The following NKAIN3 variants were observed in gnomAD, a reference collection of about 807,000 sequenced individuals.
NKAIN3 encodes the protein sodium/potassium transporting ATPase interacting 3.
Under a neutral mutation model 30.2 loss-of-function variants are expected in NKAIN3, and 25 were observed. The ratio of observed to expected loss-of-function variants is 0.83; its 90% CI spans 0.60 to 1.16. NKAIN3 has a LOEUF of 1.16. Among genes scored for constraint, NKAIN3 ranks in the 50% most tolerant of loss-of-function variants. The pLI is 0.00. For synonymous variants in NKAIN3, 91 were observed against 89.6 expected, an observed-to-expected ratio of 1.02 and a Z score of -0.09; for missense variants, 225 against 254.1, an observed-to-expected ratio of 0.89 and a Z score of 0.78.
intron 4 of NKAIN3, among the ~76,000 whole-genome samples, chr8:62,770,258 A>G (rs1184816205): frequency 1.3e-5 from 2 of 152,206 alleles, no homozygotes; most frequent in Non-Finnish European, 2.9e-5. Context: ...GGGATAATCT[A>G]CAAATTGCCT....
chr8:62,548,739 A>C (rs1809095656), intron 1 of NKAIN3, among the ~76,000 whole-genome samples: 1 of 151,318 alleles, frequency 6.6e-6, no homozygotes, highest in Admixed American at 6.6e-5. Context: ...TTACAATTAT[A>C]TGTATGTATG....
rs369102443 is a variant in NKAIN3 at position 62,776,365 on chromosome 8, CCTTCCTAT to C, written c.471+29241_471+29248del. ...TTTTTGTGACCTTCTCTTTCTTCTTCCTTCCTATCTTCTGTTTAGTGAAGGTGATTTTC... is the reference window on the plus strand; with the variant it reads ...TTTTTGTGACCTTCTCTTTCTTCTTCCTTCTGTTTAGTGAAGGTGATTTTC... On this transcript the variant is annotated intron_variant, in intron 4 of 6. Coordinates refer to ENST00000623646, the MANE Select transcript of NKAIN3 (RefSeq NM_001304533.3). 4.6e-3 allele frequency among the ~76,000 whole-genome samples: 698 copies of C among 152,046 alleles called. 6 individuals are homozygous for C. The highest frequency in any genetic ancestry group is 0.016 in the African/African-American group (672 of 41,496).
At position 62,927,651 on chromosome 8, in the gene NKAIN3, G is replaced by A. The variant is rs970620047; in HGVS notation, c.532+9138G>A. On this transcript the variant is annotated intron_variant, in intron 5 of 6. Transcript: ENST00000623646. The stretch of plus-strand genomic sequence containing the variant: ...TTAAAGGTACTTTAAATATTCTTAC[G>A]CAGATTAAGCAGATTTCTGATGCAG... Among the ~76,000 whole-genome samples the A allele has an allele frequency of 3.9e-5, 6 of 152,052 alleles. No individual in the cohort carries two copies. The South Asian group carries it at 1.2e-3, about 32-fold the overall frequency.
At chr8:62,538,480 G>A (rs1298218604) in intron 1 of NKAIN3, among the ~76,000 whole-genome samples, 1 of 152,096 alleles carries the variant, frequency 6.6e-6, no homozygotes. Context: ...CAGCCATAAA[G>A]TAGCTTTATA....
intron 4 of NKAIN3, among the ~76,000 whole-genome samples, chr8:62,897,224 G>A (rs1821455087): frequency 6.6e-6 from 1 of 152,054 alleles, no homozygotes; most frequent in Non-Finnish European, 1.5e-5. Flanking sequence ...AATACAATCA[G>A]GTGTGTCTGC....
chr8:62,433,477 AGATATGG>A, intron 1 of NKAIN3, among the ~76,000 whole-genome samples: 1 of 152,320 alleles, frequency 6.6e-6, no homozygotes, highest in South Asian at 2.1e-4. Context: ...TTATTATGCC[AGATATGG>A]GATCTGGGTA....
At position 62,877,343 on chromosome 8, in the gene NKAIN3, C is replaced by T. The variant is rs1234178566; in HGVS notation, c.472-41110C>T. Among the ~76,000 whole-genome samples, 12 of 152,346 alleles carry T rather than the reference C, an allele frequency of 7.9e-5. No individual in the cohort carries two copies. In the East Asian group the frequency reaches 9.6e-4, roughly 12 times the overall value. On this transcript the variant is annotated intron_variant, in intron 4 of 6. Transcript: ENST00000623646. ...CAAAGCTAGGGGCAGCCCAATTAGG[C>T]GGCCTCGGAATGGAGGCACTTAAGG... is the stretch of plus-strand genomic sequence containing the variant.
rs1464107070 is a variant in NKAIN3, at chr8:62,971,796, A to C, written c.*6389A>C. Among the ~76,000 whole-genome samples the C allele has an allele frequency of 6.6e-6, 1 of 152,206 alleles. No homozygotes were observed. Among genetic ancestry groups the C allele is most frequent in the Non-Finnish European group, 1.5e-5 (1 of 68,044 alleles). On this transcript the variant is annotated 3_prime_UTR_variant, in exon 7 of 7. Transcript: ENST00000623646. ...AACACATTCTAGAAAAAATGTACAT[A>C]TATTCTTCAGTACTGTGAGAGATTT...
intron 1 of NKAIN3, among the ~76,000 whole-genome samples, chr8:62,446,739 C>T (rs1805497388): frequency 6.6e-6 from 1 of 151,844 alleles, no homozygotes; most frequent in African/African-American, 2.4e-5. Flanking sequence ...TTGTGCCTGG[C>T]ATATTTTATT....
At chr8:62,765,850 G>A (rs1816820500) in intron 4 of NKAIN3, among the ~76,000 whole-genome samples, 1 of 151,758 alleles carries the variant, frequency 6.6e-6, no homozygotes, top group Non-Finnish European at 1.5e-5. Flanking sequence ...TTCCACTTCA[G>A]TACAAGACTT....
At chr8:62,587,535 C>A (rs1256928171) in intron 2 of NKAIN3, among the ~76,000 whole-genome samples, 3 of 151,900 alleles carry the variant, frequency 2.0e-5, no homozygotes, top group African/African-American at 7.2e-5. Flanking sequence ...GGTTATCTTG[C>A]CATGAATCTA....
chr8:62,747,211 T>C, intron 4 of NKAIN3, 82 bp downstream of exon 4: 1 of 834,208 alleles, frequency 1.2e-6, no homozygotes, highest in Non-Finnish European at 1.9e-6. Flanking sequence ...TGATAGAAAA[T>C]GCCACAGATA....
At chr8:62,878,040 CA>C (rs34421488) in intron 4 of NKAIN3, among the ~76,000 whole-genome samples, 1,729 of 113,682 alleles carry the variant, frequency 0.015, 21 homozygotes, top group Non-Finnish European at 0.022. Context: ...AACTCCATCT[CA>C]AAAAAAAAAA....
intron 3 of NKAIN3, among the ~76,000 whole-genome samples, chr8:62,703,559 C>A (rs958676493): frequency 1.3e-5 from 2 of 152,196 alleles, no homozygotes; most frequent in Non-Finnish European, 2.9e-5. Context: ...AGAACTCCCT[C>A]CTAAAATCTT....
At chr8:62,594,063 A>G (rs1352359730) in intron 3 of NKAIN3, among the ~76,000 whole-genome samples, 1 of 151,956 alleles carries the variant, frequency 6.6e-6, no homozygotes, top group Non-Finnish European at 1.5e-5. Flanking sequence ...GGCTAGCCAG[A>G]TGCCTGGAAT....
At chr8:62,788,779 T>A (rs910874643) in intron 4 of NKAIN3, among the ~76,000 whole-genome samples, 1 of 151,836 alleles carries the variant, frequency 6.6e-6, no homozygotes, top group Non-Finnish European at 1.5e-5. Flanking sequence ...CAGCACCATT[T>A]ATTAAATAGG....
At chr8:62,277,551 T>G (rs1386513382) in intron 1 of NKAIN3, among the ~76,000 whole-genome samples, 1 of 152,102 alleles carries the variant, frequency 6.6e-6, no homozygotes, top group Non-Finnish European at 1.5e-5. Flanking sequence ...ATAGCTTGTG[T>G]GGTATGAAAA....
At chr8:62,616,249 G>A (rs1025479630) in intron 3 of NKAIN3, among the ~76,000 whole-genome samples, 4 of 151,992 alleles carry the variant, frequency 2.6e-5, no homozygotes, top group Admixed American at 2.6e-4. Flanking sequence ...CACAGGTTAA[G>A]GGCTCAGTTC....
chr8:62,476,247 C>T (rs1022961776), intron 1 of NKAIN3, among the ~76,000 whole-genome samples: 1 of 152,076 alleles, frequency 6.6e-6, no homozygotes, highest in African/African-American at 2.4e-5. Flanking sequence ...TATAAAAGCA[C>T]AGAGGGAAGT....
Sources: allele counts gnomAD v4.1 joint callset (sites outside exome capture counted in the v4.1 genomes callset), GRCh38; gene constraint gnomAD v4.1.1; transcripts MANE v1.5; gene names NCBI Gene and HGNC (gene_info 2026-07-23, HGNC 2026-07-21).